TAFA5: variants seen among roughly 807,000 people sequenced by gnomAD.
TAFA5 encodes chemokine-like protein TAFA-5.
Under a neutral mutation model 15.3 loss-of-function variants are expected in TAFA5, and 6 were observed. That is an observed-to-expected ratio of 0.39 (90% confidence interval 0.21 to 0.77). The LOEUF (loss-of-function observed/expected upper bound fraction) is 0.77, where lower values mean the gene tolerates loss of function less well. Ranked by LOEUF, TAFA5 falls within the 30% of genes least tolerant of loss-of-function variation. TAFA5 has a pLI of 0.41. For missense variants in TAFA5, 161 were observed against 193.1 expected (o/e 0.83, Z 0.98); for synonymous variants, 103 against 80.7 (o/e 1.28, Z -1.48).
chr22:48,643,870 A>G (rs1926770364), intron 1 of TAFA5, among the ~76,000 whole-genome samples: 1 of 152,212 alleles, frequency 6.6e-6, no homozygotes, highest in Non-Finnish European at 1.5e-5. Context: ...GGTGGCGGCA[A>G]CGCAGCCTGG....
intron 1 of TAFA5, among the ~76,000 whole-genome samples, chr22:48,586,616 T>A (rs1924371972): frequency 6.6e-6 from 1 of 152,194 alleles, no homozygotes; most frequent in South Asian, 2.1e-4. Flanking sequence ...CTGCGCTGTC[T>A]GGAGAGGGAT....
At chr22:48,551,961 CTGAT>C (rs1922871138) in intron 1 of TAFA5, among the ~76,000 whole-genome samples, 1 of 152,206 alleles carries the variant, frequency 6.6e-6, no homozygotes, top group Non-Finnish European at 1.5e-5. Context: ...CTGTGGAAAA[CTGAT>C]TGAGAGCACG....
intron 1 of TAFA5, among the ~76,000 whole-genome samples, chr22:48,526,548 T>G (rs1921788432): frequency 6.6e-6 from 1 of 152,190 alleles, no homozygotes; most frequent in African/African-American, 2.4e-5. Flanking sequence ...CGTGCCGGCC[T>G]CACAAGGCTG....
chr22:48,741,346 C>G (rs1402213799), intron 3 of TAFA5, among the ~76,000 whole-genome samples: 2 of 152,208 alleles, frequency 1.3e-5, no homozygotes, highest in Admixed American at 6.5e-5. Context: ...ATCTGGGCAC[C>G]TTGGGAGTCA....
At chr22:48,542,173 T>C (rs986977627) in intron 1 of TAFA5, among the ~76,000 whole-genome samples, 1 of 124,980 alleles carries the variant, frequency 8.0e-6, no homozygotes, top group African/African-American at 3.5e-5. Flanking sequence ...TGTGTGCATG[T>C]GTGATGTGTG....
chr22:48,610,992 G>A (rs1925386294), intron 1 of TAFA5, among the ~76,000 whole-genome samples: 1 of 150,920 alleles, frequency 6.6e-6, no homozygotes, highest in Non-Finnish European at 1.5e-5. Flanking sequence ...GGAGCACAGT[G>A]GTGCAGTCTC....
At chr22:48,681,322 C>T (rs1027363873) in intron 2 of TAFA5, among the ~76,000 whole-genome samples, 9 of 152,092 alleles carry the variant, frequency 5.9e-5, no homozygotes, top group East Asian at 1.9e-4. Flanking sequence ...GCAGTAGAGA[C>T]GCTCTCCTCA....
intron 1 of TAFA5, among the ~76,000 whole-genome samples, chr22:48,493,420 A>T (rs1304867134): frequency 6.6e-6 from 1 of 152,230 alleles, no homozygotes; most frequent in East Asian, 1.9e-4. Context: ...TTAGAATCCT[A>T]ACTGAGCGTA....
intron 1 of TAFA5, among the ~76,000 whole-genome samples, chr22:48,577,769 G>A (rs935561311): frequency 6.6e-6 from 1 of 152,214 alleles, no homozygotes; most frequent in Non-Finnish European, 1.5e-5. Flanking sequence ...ACAGAGGAGG[G>A]CCAGGTCTGA....
rs1921948807 is a variant in TAFA5 at position 48,530,902 on chromosome 22, C to T, written c.112+41198C>T. On this transcript the variant is annotated intron_variant, in intron 1 of 3. Coordinates refer to ENST00000402357, the MANE Select transcript of TAFA5 (RefSeq NM_001082967.3). The surrounding 1 kb of genome is among the most constrained non-coding windows in gnomAD (Gnocchi z 6.0). ...CCAAATGAAAGTGGCTGAGATGTCA[C>T]AGTGACATGACAGACTGAGCTTCCA... Among the ~76,000 whole-genome samples, 1 of 152,180 alleles carries T rather than the reference C, an allele frequency of 6.6e-6. No individual in the cohort carries two copies. The highest frequency in any genetic ancestry group is 6.5e-5 in the Admixed American group (1 of 15,276).
intron 2 of TAFA5, among the ~76,000 whole-genome samples, chr22:48,656,957 G>T (rs965957646): frequency 6.6e-6 from 1 of 151,976 alleles, no homozygotes; most frequent in African/African-American, 2.4e-5. Flanking sequence ...TTATAGTAGA[G>T]ATGGGGTTTC....
intron 2 of TAFA5, among the ~76,000 whole-genome samples, chr22:48,688,233 A>G (rs1203317479): frequency 2.0e-5 from 3 of 152,006 alleles, no homozygotes; most frequent in Non-Finnish European, 1.5e-5. Flanking sequence ...CTAATGAATC[A>G]CTCTAATCAG....
At chr22:48,634,684 A>G (rs1000568939) in intron 1 of TAFA5, among the ~76,000 whole-genome samples, 7 of 148,392 alleles carry the variant, frequency 4.7e-5, no homozygotes, top group East Asian at 3.9e-4. Context: ...CACTCAGTCA[A>G]TCACTCAGTC....
intron 2 of TAFA5, among the ~76,000 whole-genome samples, chr22:48,651,833 G>A (rs1043807761): frequency 1.3e-5 from 2 of 152,152 alleles, no homozygotes; most frequent in Non-Finnish European, 1.5e-5. Context: ...CGGGAGGGTG[G>A]AGGGTGCCCT....
At chr22:48,609,769 C>T (rs910376923) in intron 1 of TAFA5, among the ~76,000 whole-genome samples, 5 of 152,176 alleles carry the variant, frequency 3.3e-5, no homozygotes, top group South Asian at 2.1e-4. Context: ...CCCGCAGGTC[C>T]GCTTCCTTCT....
chr22:48,586,818 G>A (rs1479390271), intron 1 of TAFA5, among the ~76,000 whole-genome samples: 1 of 152,254 alleles, frequency 6.6e-6, no homozygotes, highest in Non-Finnish European at 1.5e-5. Context: ...CCTCAAGGAT[G>A]CAGCCCCTTT....
intron 1 of TAFA5, among the ~76,000 whole-genome samples, chr22:48,513,732 C>T (rs1055205772): frequency 6.6e-6 from 1 of 152,218 alleles, no homozygotes; most frequent in Non-Finnish European, 1.5e-5. Flanking sequence ...TTGCTCTGCT[C>T]CATGGGGGCA....
In TAFA5 at chr22:48,489,752, AC is replaced by A. The variant is rs1928074530; in HGVS notation, c.112+53del. ...CCCGGCACGGCCCTCTGGGCCCCGG[AC>A]CCCCTCCTCCGGCCCCGGCAGGCGC... On this transcript the variant is annotated intron_variant, in intron 1 of 3. Transcript: ENST00000402357. This position sits in a 1 kb window ranked among gnomAD's most constrained non-coding sequence, Gnocchi z 5.5. 2 of 1,212,850 alleles carry A rather than the reference AC, an allele frequency of 1.6e-6. No individual in the cohort carries two copies. The highest frequency in any genetic ancestry group is 1.6e-5 in the African/African-American group (1 of 61,828). 75.1% of individuals were successfully genotyped at this position (1,212,850 alleles called of 1,614,324 possible). A position where few individuals can be genotyped will look rare whatever the true frequency, so the allele number is the denominator to read the frequency against.
chr22:48,723,203 C>T lies in TAFA5; in HGVS notation c.390+15359C>T, dbSNP rs184421112. ...GATAGCAGCACACAGGATACCGGGG[C>T]TCTGCCAGCCACCCCCTTCCAAATG... On this transcript the variant is annotated intron_variant, in intron 3 of 3. Coordinates refer to ENST00000402357, the MANE Select transcript of TAFA5 (RefSeq NM_001082967.3). 1.1e-3 allele frequency among the ~76,000 whole-genome samples: 167 copies of T among 152,354 alleles called. 2 individuals carry two copies. Among genetic ancestry groups the T allele is most frequent in the Admixed American group, 0.011 (161 of 15,304 alleles).
Sources: gnomAD v4.1 joint callset for allele counts (sites outside exome capture counted in the v4.1 genomes callset) on GRCh38, gnomAD v4.1.1 for gene constraint, Gnocchi (gnomAD v3.1) non-coding constraint, MANE v1.5 for transcripts, NCBI Gene and HGNC (gene_info 2026-07-23, HGNC 2026-07-21) for gene names.